The following IGSF21 variants were observed in gnomAD, a reference collection of about 807,000 sequenced individuals.
The protein encoded by IGSF21 is immunoglobin superfamily member 21.
IGSF21 carries 28 observed loss-of-function variants against 46.8 expected under a neutral mutation model. The observed-to-expected ratio is 0.60, with a 90% CI of 0.44 to 0.82. IGSF21 has a LOEUF of 0.82. Among genes scored for constraint, IGSF21 ranks in the 40% least tolerant of loss-of-function variants. The pLI, the probability that IGSF21 is intolerant of heterozygous loss-of-function variation, is 0.00. For missense variants in IGSF21, 624 were observed against 665.5 expected (o/e 0.94, Z 0.69); for synonymous variants, 284 against 273.6 (o/e 1.04, Z -0.38).
At position 18,291,857 on chromosome 1, in the gene IGSF21, CTG is replaced by C; in HGVS notation, c.184-6_184-5del. ...ACTCACGTGTGGCTATCTCTGTGCT[CTG>C]TGGCAGGTGACGGATGGTGGCACCA... On this transcript the variant is annotated splice_polypyrimidine_tract_variant and splice_region_variant and intron_variant, in intron 2 of 9. Coordinates refer to ENST00000251296, the MANE Select transcript of IGSF21 (RefSeq NM_032880.5). 1 of 1,613,400 alleles carries C rather than the reference CTG, an allele frequency of 6.2e-7. No homozygotes were observed. Among genetic ancestry groups the C allele is most frequent in the Non-Finnish European group, 8.5e-7 (1 of 1,179,604 alleles).
intron 3 of IGSF21, among the ~76,000 whole-genome samples, chr1:18,309,143 A>G (rs2085455955): frequency 6.6e-6 from 1 of 150,714 alleles, no homozygotes; most frequent in Non-Finnish European, 1.5e-5. Flanking sequence ...AGCTGTAGGG[A>G]GTTTGTCTGT....
intron 4 of IGSF21, among the ~76,000 whole-genome samples, chr1:18,343,066 G>T (rs1043662432): frequency 6.6e-6 from 1 of 152,132 alleles, no homozygotes; most frequent in Non-Finnish European, 1.5e-5. Flanking sequence ...CTGCATATGA[G>T]TCCCAACTTC....
chr1:18,152,815 T>C (rs1257735179), intron 1 of IGSF21, among the ~76,000 whole-genome samples: 2 of 152,106 alleles, frequency 1.3e-5, no homozygotes, highest in Non-Finnish European at 2.9e-5. Context: ...CTTCTTCACG[T>C]AGGGTTCCAT....
intron 4 of IGSF21, among the ~76,000 whole-genome samples, chr1:18,338,666 C>T (rs563769289): frequency 7.4e-4 from 112 of 152,306 alleles, no homozygotes; most frequent in African/African-American, 2.5e-3. Context: ...AAGATGAAAA[C>T]GCGAGTGCAG....
intron 2 of IGSF21, among the ~76,000 whole-genome samples, chr1:18,280,001 G>T (rs977547706): frequency 6.6e-6 from 1 of 152,208 alleles, no homozygotes; most frequent in African/African-American, 2.4e-5. Flanking sequence ...TGACTGCATT[G>T]GTCAGCCAGA....
intron 2 of IGSF21, among the ~76,000 whole-genome samples, chr1:18,287,036 C>A (rs561583587): frequency 6.6e-6 from 1 of 151,302 alleles, no homozygotes; most frequent in Non-Finnish European, 1.5e-5. Flanking sequence ...AAAAAATTAG[C>A]CGGGCGTAGT....
At chr1:18,292,976 G>A (rs534652970) in intron 3 of IGSF21, among the ~76,000 whole-genome samples, 5 of 152,330 alleles carry the variant, frequency 3.3e-5, no homozygotes, top group South Asian at 4.2e-4. Flanking sequence ...GAGGGGGACC[G>A]TGCTGCATCG....
intron 1 of IGSF21, among the ~76,000 whole-genome samples, chr1:18,151,599 G>A (rs193055059): frequency 9.2e-5 from 14 of 152,228 alleles, no homozygotes; most frequent in South Asian, 8.3e-4. Context: ...TATAACAGGC[G>A]GGGGAGAGGA....
At chr1:18,198,703 G>A (rs1379909835) in intron 1 of IGSF21, among the ~76,000 whole-genome samples, 2 of 152,130 alleles carry the variant, frequency 1.3e-5, no homozygotes, top group Non-Finnish European at 2.9e-5. Context: ...AGAGAGCAGA[G>A]TATTGCAGCA....
chr1:18,362,751 AG>A lies in IGSF21; in HGVS notation c.540+522del, dbSNP rs577007794. Among the ~76,000 whole-genome samples the A allele has an allele frequency of 2.5e-3, 376 of 152,296 alleles. 1 individual carries two copies. The highest frequency in any genetic ancestry group is 8.7e-3 in the African/African-American group (360 of 41,574). On this transcript the variant is annotated intron_variant, in intron 5 of 9. Coordinates refer to ENST00000251296, the MANE Select transcript of IGSF21 (RefSeq NM_032880.5). ...AGGAAGGGAGAAAGGGAGGGAAGAG[AG>A]AGGAAATTCCTTTTTGACCAACTTA... is the stretch of plus-strand genomic sequence containing the variant.
intron 1 of IGSF21, among the ~76,000 whole-genome samples, chr1:18,126,313 G>A (rs771447227): frequency 6.6e-6 from 1 of 152,210 alleles, no homozygotes; most frequent in Non-Finnish European, 1.5e-5. Context: ...TGAGTGGGCT[G>A]GATGATGGGG....
rs182327475 is a variant in IGSF21 at position 18,269,465 on chromosome 1, G to T, written c.184-22401G>T. ...ATAAATGATACGTTTACAAGGAAAA[G>T]CTTACTGTGGGCTCCCCTCAGCCAA... On this transcript the variant is annotated intron_variant, in intron 2 of 9. Coordinates refer to ENST00000251296, the MANE Select transcript of IGSF21 (RefSeq NM_032880.5). Among the ~76,000 whole-genome samples, 72 of 152,264 alleles carry T rather than the reference G, an allele frequency of 4.7e-4. 1 individual carries two copies. The highest frequency in any genetic ancestry group is 1.0e-3 in the Admixed American group (16 of 15,302).
At chr1:18,122,518 T>C (rs754585276) in intron 1 of IGSF21, among the ~76,000 whole-genome samples, 2 of 152,080 alleles carry the variant, frequency 1.3e-5, no homozygotes, top group Admixed American at 6.5e-5. Context: ...TTTTACACCA[T>C]CATTTTCTTA....
At chr1:18,164,734 A>G (rs1471932710) in intron 1 of IGSF21, among the ~76,000 whole-genome samples, 3 of 151,364 alleles carry the variant, frequency 2.0e-5, no homozygotes, top group Admixed American at 1.3e-4. Flanking sequence ...TTTCTTTTAT[A>G]TATATATATA....
chr1:18,220,451 G>A (rs1216617796), intron 1 of IGSF21, among the ~76,000 whole-genome samples: 2 of 152,144 alleles, frequency 1.3e-5, no homozygotes, highest in Non-Finnish European at 2.9e-5. Context: ...AGGTGCCTCT[G>A]TGAGGGCCCT....
intron 3 of IGSF21, among the ~76,000 whole-genome samples, chr1:18,303,172 G>T (rs929984967): frequency 1.3e-5 from 2 of 152,166 alleles, no homozygotes; most frequent in Non-Finnish European, 2.9e-5. Context: ...ACGGGTCTCA[G>T]GAAAGGCTCG....
intron 1 of IGSF21, among the ~76,000 whole-genome samples, chr1:18,153,731 G>A (rs1173123129): frequency 6.6e-6 from 1 of 152,030 alleles, no homozygotes; most frequent in Non-Finnish European, 1.5e-5. Context: ...GTGGTGGGGT[G>A]GGGGGCTGGG....
intron 3 of IGSF21, among the ~76,000 whole-genome samples, chr1:18,333,110 G>A (rs924792944): frequency 2.0e-5 from 3 of 152,264 alleles, no homozygotes; most frequent in South Asian, 2.1e-4. Flanking sequence ...TGGGTCACAC[G>A]CCCAAGAGCC....
chr1:18,158,240 C>A (rs963091795), intron 1 of IGSF21, among the ~76,000 whole-genome samples: 2 of 152,164 alleles, frequency 1.3e-5, no homozygotes, highest in Admixed American at 1.3e-4. Context: ...ACATCCTGCA[C>A]AGGACTCACC....
Sources: gnomAD v4.1 joint callset for allele counts (sites outside exome capture counted in the v4.1 genomes callset) on GRCh38, gnomAD v4.1.1 for gene constraint, MANE v1.5 for transcripts, NCBI Gene and HGNC (gene_info 2026-07-23, HGNC 2026-07-21) for gene names.